Variants in BCKDHB observed in about 807,000 individuals in gnomAD.
BCKDHB encodes 2-oxoisovalerate dehydrogenase subunit beta, mitochondrial.
BCKDHB carries 41 observed loss-of-function variants against 48.5 expected under a neutral mutation model. The observed-to-expected ratio is 0.85, with a 90% confidence interval of 0.66 to 1.10. The LOEUF (loss-of-function observed/expected upper bound fraction) is 1.10. Ranked by LOEUF, BCKDHB falls within the 50% of genes least tolerant of loss-of-function variation. The probability of loss-of-function intolerance (pLI) is 0.00; values close to 1 mark genes in which losing one functional copy is unlikely to be tolerated. For missense variants in BCKDHB, 496 were observed against 494.2 expected (o/e 1.00, Z -0.03); for synonymous variants, 201 against 174.8 (o/e 1.15, Z -1.18).
intron 6 of BCKDHB, among the ~76,000 whole-genome samples, chr6:80,189,589 G>T (rs1265616979): frequency 6.6e-6 from 1 of 151,828 alleles, no homozygotes; most frequent in African/African-American, 2.4e-5. Flanking sequence ...CCCTTTAGGA[G>T]TTTTCATCTA....
chr6:80,387,421 T>C, the BCKDHB span, among the ~76,000 whole-genome samples: 1 of 152,194 alleles, frequency 6.6e-6, no homozygotes, highest in Non-Finnish European at 1.5e-5. Flanking sequence ...CAGAGATTAG[T>C]GCCACCATCA....
At chr6:80,383,823 C>A in the BCKDHB span, among the ~76,000 whole-genome samples, 2 of 152,030 alleles carry the variant, frequency 1.3e-5, no homozygotes, top group Non-Finnish European at 1.5e-5. Flanking sequence ...TTTCTAAATA[C>A]AATATGGGTT....
intron 1 of BCKDHB, among the ~76,000 whole-genome samples, chr6:80,107,276 G>T (rs983450183): frequency 7.2e-6 from 1 of 138,004 alleles, no homozygotes; most frequent in East Asian, 2.2e-4. Flanking sequence ...AGCTTAGGTA[G>T]AGGCATTTAA....
chr6:80,248,898 GTGTA>G (rs753233390), intron 8 of BCKDHB, among the ~76,000 whole-genome samples: 19 of 62,200 alleles, frequency 3.1e-4, no homozygotes, highest in Admixed American at 6.8e-4. Flanking sequence ...GTGTGTGTGT[GTGTA>G]TGTGTGTGTG....
At chr6:80,315,730 C>T (rs1768414293) in intron 9 of BCKDHB, among the ~76,000 whole-genome samples, 1 of 151,974 alleles carries the variant, frequency 6.6e-6, no homozygotes, top group Non-Finnish European at 1.5e-5. Flanking sequence ...GGAATCCTTC[C>T]ACGTCGGCCT....
chr6:80,242,770 G>T (rs555338475), intron 8 of BCKDHB, among the ~76,000 whole-genome samples: 3 of 152,116 alleles, frequency 2.0e-5, no homozygotes, highest in African/African-American at 7.2e-5. Context: ...CCAGGGTGGG[G>T]ACTATTGACT....
chr6:80,389,294 C>T, the BCKDHB span, among the ~76,000 whole-genome samples: 3 of 152,226 alleles, frequency 2.0e-5, no homozygotes, highest in Non-Finnish European at 4.4e-5. Context: ...ACATTTACTT[C>T]CACTCACCAA....
chr6:80,197,017 G>A (rs1029258553), intron 6 of BCKDHB, among the ~76,000 whole-genome samples: 1 of 152,174 alleles, frequency 6.6e-6, no homozygotes, highest in Admixed American at 6.6e-5. Context: ...AGATTCTAAT[G>A]TAATCAGCGT....
At chr6:80,412,732 T>C in the BCKDHB span, among the ~76,000 whole-genome samples, 1 of 152,204 alleles carries the variant, frequency 6.6e-6, no homozygotes, top group Non-Finnish European at 1.5e-5. Context: ...CTCCTTCAGC[T>C]TTTGTCTGGC....
intron 9 of BCKDHB, among the ~76,000 whole-genome samples, chr6:80,336,981 G>A (rs1769624117): frequency 6.6e-6 from 1 of 152,002 alleles, no homozygotes; most frequent in African/African-American, 2.4e-5. Context: ...AACATGATAT[G>A]TATTGTTTAA....
intron 8 of BCKDHB, among the ~76,000 whole-genome samples, chr6:80,231,644 T>G (rs946101684): frequency 6.6e-6 from 1 of 152,088 alleles, no homozygotes; most frequent in Non-Finnish European, 1.5e-5. Context: ...GTTGGAAGGA[T>G]TAAATCAAAT....
the BCKDHB span, among the ~76,000 whole-genome samples, chr6:80,444,964 T>C: frequency 1.8e-4 from 28 of 152,168 alleles, no homozygotes; most frequent in Non-Finnish European, 3.5e-4. Flanking sequence ...TTTAAGAGAA[T>C]GAGATGGCCT....
the BCKDHB span, among the ~76,000 whole-genome samples, chr6:80,387,891 C>A: frequency 6.6e-6 from 1 of 152,210 alleles, no homozygotes. Flanking sequence ...GTAGCAAACA[C>A]ACTGGACTTA....
the BCKDHB span, chr6:80,356,781 T>C: frequency 2.0e-5 from 3 of 152,134 alleles, no homozygotes; most frequent in Non-Finnish European, 4.4e-5. Context: ...CAAGCACCAG[T>C]ATTAAAGGAT....
chr6:80,381,160 A>T, the BCKDHB span, among the ~76,000 whole-genome samples: 1 of 151,872 alleles, frequency 6.6e-6, no homozygotes, highest in African/African-American at 2.4e-5. Context: ...CTGTTTAGAG[A>T]TGCCTGCATT....
At position 80,177,341 on chromosome 6, in the gene BCKDHB, G is replaced by A. The variant is rs138287516; in HGVS notation, c.742+5951G>A. Among the ~76,000 whole-genome samples, 287 of 149,322 alleles carry A rather than the reference G, an allele frequency of 1.9e-3. 1 individual carries two copies. Among genetic ancestry groups the A allele is most frequent in the African/African-American group, 6.2e-3 (250 of 40,536 alleles). On this transcript the variant is annotated intron_variant, in intron 6 of 9. Coordinates refer to ENST00000320393, the MANE Select transcript of BCKDHB (RefSeq NM_183050.4). ...GCAAAGTTGAAGAAAAACAACAGAA[G>A]GTTTAAAAAGAAAAATATAATAAAA... is the stretch of plus-strand genomic sequence containing the variant.
At chr6:80,229,890 T>C (rs1474353618) in intron 8 of BCKDHB, among the ~76,000 whole-genome samples, 29 of 151,932 alleles carry the variant, frequency 1.9e-4, no homozygotes, top group Admixed American at 1.9e-3. Flanking sequence ...AGTGGATACA[T>C]AAAGAAAAGA....
At chr6:80,305,659 G>C (rs1767836648) in intron 9 of BCKDHB, among the ~76,000 whole-genome samples, 1 of 152,120 alleles carries the variant, frequency 6.6e-6, no homozygotes, top group Non-Finnish European at 1.5e-5. Flanking sequence ...GCTGATTTCT[G>C]CTACATGTTG....
At chr6:80,248,902 A>ATGTGTGTGTGTATGTG in intron 8 of BCKDHB, among the ~76,000 whole-genome samples, 1 of 146,792 alleles carries the variant, frequency 6.8e-6, no homozygotes, top group South Asian at 2.2e-4. Context: ...GTGTGTGTGT[A>ATGTGTGTGTGTATGTG]TGTGTGTGTG....
Sources: allele counts gnomAD v4.1 joint callset (sites outside exome capture counted in the v4.1 genomes callset), GRCh38; gene constraint gnomAD v4.1.1; transcripts MANE v1.5; gene names NCBI Gene and HGNC (gene_info 2026-07-23, HGNC 2026-07-21).